Variants in GTF2B observed in about 807,000 individuals in gnomAD.
GTF2B encodes the protein general transcription factor IIB.
In GTF2B, 20 loss-of-function variants were observed where a neutral mutation model predicts 34.6. The observed-to-expected ratio is 0.58, with a 90% CI of 0.41 to 0.84. The LOEUF is 0.84. Among genes scored for constraint, GTF2B ranks in the 40% least tolerant of loss-of-function variants. The pLI is 0.00. For synonymous variants in GTF2B, 142 were observed against 132.4 expected, an observed-to-expected ratio of 1.07 and a Z score of -0.50; for missense variants, 237 against 393.3, an observed-to-expected ratio of 0.60 and a Z score of 3.36.
At chr1:88,881,123 G>C (rs1045115282) in intron 2 of GTF2B, among the ~76,000 whole-genome samples, 1 of 149,832 alleles carries the variant, frequency 6.7e-6, no homozygotes, top group African/African-American at 2.5e-5. Context: ...TATGAGTTTG[G>C]CCAGAAGCTC....
intron 5 of GTF2B, 59 bp from the exon 6 acceptor site, chr1:88,857,546 T>C: frequency 2.5e-6 from 2 of 812,300 alleles, no homozygotes; most frequent in East Asian, 2.6e-5. Flanking sequence ...CATCTTAAAA[T>C]CTACCATTTC....
rs1341718355 is a variant in GTF2B, at chr1:88,852,679, AG to A, written c.*533del. On this transcript the variant is annotated 3_prime_UTR_variant, in exon 7 of 7. Transcript: ENST00000370500. ...ATGTCTCTCAAGCTGGTGCCTTTCA[AG>A]GCCCAAGCTCATCACTTCTTGTTTA... Among the ~76,000 whole-genome samples the A allele has an allele frequency of 5.3e-5, 8 of 151,830 alleles. No individual in the cohort carries two copies. The highest frequency in any genetic ancestry group is 1.2e-4 in the Non-Finnish European group (8 of 68,036).
chr1:88,863,057 C>T (rs1399662754), intron 3 of GTF2B, among the ~76,000 whole-genome samples: 1 of 151,892 alleles, frequency 6.6e-6, no homozygotes, highest in Non-Finnish European at 1.5e-5. Flanking sequence ...GTCACTATTA[C>T]TTCCAACTCG....
chr1:88,888,652 A>G (rs1674128538), intron 1 of GTF2B, among the ~76,000 whole-genome samples: 1 of 152,218 alleles, frequency 6.6e-6, no homozygotes. Context: ...GTAGATAGAA[A>G]ACTATAGTTT....
chr1:88,859,350 C>CG (rs1673386901), intron 5 of GTF2B, among the ~76,000 whole-genome samples: 1 of 152,126 alleles, frequency 6.6e-6, no homozygotes, highest in Non-Finnish European at 1.5e-5. Flanking sequence ...AGTGGGCTTA[C>CG]GTGGACTAAA....
At chr1:88,876,932 G>A (rs1041117716) in intron 2 of GTF2B, among the ~76,000 whole-genome samples, 8 of 152,148 alleles carry the variant, frequency 5.3e-5, no homozygotes, top group Non-Finnish European at 8.8e-5. Context: ...AGGAGCAATG[G>A]AGACACACAA....
At chr1:88,865,126 C>T (rs28542888) in intron 2 of GTF2B, among the ~76,000 whole-genome samples, 13,277 of 152,196 alleles carry the variant, frequency 0.087, 1,335 homozygotes, top group African/African-American at 0.25. Context: ...AGTTACGGTA[C>T]TAGCAGTCAA....
chr1:88,869,144 T>G (rs1394307905), intron 2 of GTF2B, among the ~76,000 whole-genome samples: 2 of 152,238 alleles, frequency 1.3e-5, no homozygotes, highest in Non-Finnish European at 2.9e-5. Flanking sequence ...TTCTTGCTAT[T>G]ATTCCCTGAG....
chr1:88,863,351 TC>T (rs1307099568), intron 3 of GTF2B, among the ~76,000 whole-genome samples: 1 of 151,970 alleles, frequency 6.6e-6, no homozygotes, highest in Non-Finnish European at 1.5e-5. Context: ...GACATTCTTT[TC>T]TTTTTTTTTG....
intron 3 of GTF2B, among the ~76,000 whole-genome samples, chr1:88,862,057 C>T (rs1557654161): frequency 6.6e-6 from 1 of 152,040 alleles, no homozygotes; most frequent in Non-Finnish European, 1.5e-5. Flanking sequence ...ACAAACTTAA[C>T]CTTTAAATGG....
intron 1 of GTF2B, among the ~76,000 whole-genome samples, chr1:88,888,618 CTAA>C (rs1027248342): frequency 1.1e-4 from 16 of 152,226 alleles, no homozygotes; most frequent in African/African-American, 3.9e-4. Context: ...GTGCTAAGAA[CTAA>C]TATCTCTGCA....
At chr1:88,888,756 C>T (rs1249169361) in intron 1 of GTF2B, among the ~76,000 whole-genome samples, 1 of 152,050 alleles carries the variant, frequency 6.6e-6, no homozygotes, top group African/African-American at 2.4e-5. Flanking sequence ...AACCATACAC[C>T]ATAACATGGA....
At position 88,867,622 on chromosome 1, in the gene GTF2B, C is replaced by G. The variant is rs138593228; in HGVS notation, c.125-3508G>C. 8.2e-4 allele frequency among the ~76,000 whole-genome samples: 125 copies of G among 152,206 alleles called. 1 individual carries two copies. The highest frequency in any genetic ancestry group is 2.8e-3 in the African/African-American group (115 of 41,532). ...ATACATGAATGTATCAAGAGAATGG[C>G]ATAAATGAAAAGGCAGGAAGGTATG... On this transcript the variant is annotated intron_variant, in intron 2 of 6. Transcript: ENST00000370500.
chr1:88,869,532 A>G (rs1047258458), intron 2 of GTF2B, among the ~76,000 whole-genome samples: 1 of 152,194 alleles, frequency 6.6e-6, no homozygotes, highest in Non-Finnish European at 1.5e-5. Context: ...TTTCATTCAC[A>G]TGAAGTTGAA....
chr1:88,868,015 T>C (rs1215013073), intron 2 of GTF2B, among the ~76,000 whole-genome samples: 4 of 152,324 alleles, frequency 2.6e-5, no homozygotes, highest in Middle Eastern at 6.8e-3. Flanking sequence ...TAGCATACCA[T>C]GCAACTACAA....
intron 3 of GTF2B, 71 bp downstream of exon 3, chr1:88,863,910 T>C: frequency 7.0e-7 from 1 of 1,422,416 alleles, no homozygotes; most frequent in Non-Finnish European, 9.9e-7. Context: ...CTGATACTTT[T>C]GCAAAGTTCC....
At chr1:88,886,023 G>C (rs1302535013) in intron 2 of GTF2B, among the ~76,000 whole-genome samples, 1 of 152,108 alleles carries the variant, frequency 6.6e-6, no homozygotes, top group African/African-American at 2.4e-5. Flanking sequence ...TGAAGATAAT[G>C]GTAGTACTCA....
At chr1:88,880,640 G>A (rs1023657900) in intron 2 of GTF2B, among the ~76,000 whole-genome samples, 2 of 152,034 alleles carry the variant, frequency 1.3e-5, no homozygotes, top group African/African-American at 2.4e-5. Context: ...CAGAACAATG[G>A]GATGAAAGGA....
chr1:88,867,434 T>C (rs1342885018), intron 2 of GTF2B, among the ~76,000 whole-genome samples: 1 of 152,220 alleles, frequency 6.6e-6, no homozygotes, highest in Non-Finnish European at 1.5e-5. Context: ...CATGCACTTA[T>C]GTCCAAAGAC....
Sources: allele counts gnomAD v4.1 joint callset (sites outside exome capture counted in the v4.1 genomes callset), GRCh38; gene constraint gnomAD v4.1.1; transcripts MANE v1.5; gene names NCBI Gene and HGNC (gene_info 2026-07-23, HGNC 2026-07-21).